The following KLHDC4 variants were observed in gnomAD, a reference collection of about 807,000 sequenced individuals.
KLHDC4 encodes kelch domain-containing protein 4.
A neutral mutation model predicts 62.4 loss-of-function variants in KLHDC4; 90 were observed. That is an observed-to-expected ratio of 1.44 (90% CI 1.22 to 1.72). KLHDC4 has a LOEUF of 1.72. KLHDC4 is among the 40% of genes most tolerant of loss of function. KLHDC4 has a pLI of 0.00. For missense variants in KLHDC4, 1,025 were observed against 699.7 expected, an observed-to-expected ratio of 1.47 and a Z score of -5.25; for synonymous variants, 386 against 284.4, an observed-to-expected ratio of 1.36 and a Z score of -3.59.
chr16:87,753,082 A>T (rs2044280128), intron 4 of KLHDC4, among the ~76,000 whole-genome samples: 1 of 152,214 alleles, frequency 6.6e-6, no homozygotes, highest in African/African-American at 2.4e-5. Flanking sequence ...GGTCTTGCAT[A>T]GCTGAGGAGA....
chr16:87,742,572 T>C (rs1433379400), intron 5 of KLHDC4, among the ~76,000 whole-genome samples: 1 of 152,116 alleles, frequency 6.6e-6, no homozygotes, highest in Non-Finnish European at 1.5e-5. Context: ...TCCACAGCTG[T>C]CAGGATAGGG....
In KLHDC4 at chr16:87,709,462, T is replaced by C. The variant is rs750871112; in HGVS notation, c.1250A>G (p.Asp417Gly). 8 of 1,611,886 alleles carry C rather than the reference T, an allele frequency of 5.0e-6. No homozygotes were observed. Among genetic ancestry groups the C allele is most frequent in the Non-Finnish European group, 6.8e-6 (8 of 1,179,874 alleles). ...GGGGCTGCCGGCCTCCTCAAGGCTG[T>C]CTTCGTCCTCAGACCGGGGCTGCCC... The part of the protein sequence containing the change: ...SAGQPRSEDE[D>G]SLEEAGSPAP... The change falls in exon 10 of 12, where the codon GAC becomes GGC. Residue 417 changes from aspartate (D) to glycine (G), a missense_variant. Physicochemically the swap from Asp to Gly is moderately conservative, Grantham distance 94 (BLOSUM62 -1). Coordinates refer to ENST00000270583, the MANE Select transcript of KLHDC4 (RefSeq NM_017566.4).
chr16:87,741,473 T>C (rs1473161820), intron 5 of KLHDC4, among the ~76,000 whole-genome samples: 2 of 152,180 alleles, frequency 1.3e-5, no homozygotes, highest in African/African-American at 2.4e-5. Context: ...TAGATCCAGG[T>C]TGCGGAATCT....
At chr16:87,730,419 G>A (rs149706136) in intron 6 of KLHDC4, 133 bp downstream of exon 6, 1 of 712,344 alleles carries the variant, frequency 1.4e-6, no homozygotes, top group Non-Finnish European at 2.3e-6. Context: ...GCCCTGTGTG[G>A]CTGCCCAAAG....
At chr16:87,713,844 A>G (rs149134630) in intron 8 of KLHDC4, among the ~76,000 whole-genome samples, 1 of 152,208 alleles carries the variant, frequency 6.6e-6, no homozygotes, top group Non-Finnish European at 1.5e-5. Flanking sequence ...GTGCTTTAGT[A>G]AGAAAATTTT....
intron 2 of KLHDC4, chr16:87,757,310 A>C (rs1379287328): frequency 2.0e-5 from 3 of 151,894 alleles, no homozygotes; most frequent in Non-Finnish European, 4.4e-5. Flanking sequence ...TCAACTAAAA[A>C]TAGAAAAATT....
intron 4 of KLHDC4, among the ~76,000 whole-genome samples, chr16:87,751,381 G>A (rs549172698): frequency 2.0e-5 from 3 of 152,230 alleles, no homozygotes; most frequent in East Asian, 3.9e-4. Context: ...GGCTGAGGCA[G>A]GAGAATCGCT....
intron 4 of KLHDC4, 88 bp from the exon 5 acceptor site, chr16:87,748,897 T>G (rs540442900): frequency 6.8e-7 from 1 of 1,473,222 alleles, no homozygotes; most frequent in South Asian, 1.2e-5. Flanking sequence ...AGCGCTTCAG[T>G]ACTATCTCGG....
chr16:87,701,885 G>A (rs2034160529), exon 1 of KLHDC4: 1 of 456,522 alleles, frequency 2.2e-6, no homozygotes, highest in Admixed American at 2.3e-5. Context: ...AGCCCAGGGA[G>A]TGGAGGATGG....
rs192387879 is a variant in KLHDC4, at chr16:87,728,299, T to C, written c.600-1375A>G. On this transcript the variant is annotated intron_variant, in intron 6 of 11. Transcript: ENST00000270583. The stretch of plus-strand genomic sequence containing the variant: ...ATAGAATCTGAGGAATGTGGAAATG[T>C]GGAAGCGTGTAATCTTTAAAAGACT... Among the ~76,000 whole-genome samples the C allele has an allele frequency of 1.6e-4, 24 of 152,358 alleles. No individual in the cohort carries two copies. In the East Asian group the frequency reaches 4.6e-3, roughly 29 times the overall value.
Position 87,742,093 on chromosome 16 carries a change from TA to T in KLHDC4, c.506+6579del, listed in dbSNP as rs1054697949. 4.1e-3 allele frequency among the ~76,000 whole-genome samples: 599 copies of T among 147,520 alleles called. 2 individuals are homozygous for T. The highest frequency in any genetic ancestry group is 0.014 in the African/African-American group (548 of 40,446). On this transcript the variant is annotated intron_variant, in intron 5 of 11. Transcript: ENST00000270583. Reference sequence around the variant, plus strand: ...CCTGACCTTTCCTTTTAGATCAATTTAAAAAAAAAAATGACAGAGGAAAAAC... The same window carrying T: ...CCTGACCTTTCCTTTTAGATCAATTTAAAAAAAAAATGACAGAGGAAAAAC...
intron 2 of KLHDC4, among the ~76,000 whole-genome samples, chr16:87,756,721 CAAAAAAAA>C (rs35385743): frequency 1.3e-4 from 13 of 98,812 alleles, no homozygotes; most frequent in South Asian, 1.2e-3. Flanking sequence ...GTTGTATTAA[CAAAAAAAA>C]AAAAAAAAAA....
intron 4 of KLHDC4, among the ~76,000 whole-genome samples, chr16:87,752,210 T>C (rs111847509): frequency 0.21 from 31,299 of 148,542 alleles, 3,512 homozygotes; most frequent in South Asian, 0.3. Context: ...AGTTCAACAC[T>C]TGCCTGGGCA....
intron 4 of KLHDC4, 81 bp from the exon 5 acceptor site, chr16:87,748,890 G>C: frequency 6.6e-7 from 1 of 1,515,538 alleles, no homozygotes; most frequent in Non-Finnish European, 8.9e-7. Flanking sequence ...AGTGGTGAGC[G>C]CTTCAGTACT....
At chr16:87,704,571 G>A (rs180891179), downstream of KLHDC4, among the ~76,000 whole-genome samples, 1 of 148,722 alleles carries the variant, frequency 6.7e-6, no homozygotes, top group African/African-American at 2.5e-5. Context: ...GAGGCGCCTG[G>A]GGAGGGTCCT....
At chr16:87,756,671 C>T (rs912271855) in intron 2 of KLHDC4, among the ~76,000 whole-genome samples, 194 bp from the exon 3 acceptor site, 7 of 148,112 alleles carry the variant, frequency 4.7e-5, no homozygotes, top group African/African-American at 1.8e-4. Context: ...CAGGGCCACA[C>T]TCCAAGGACA....
At chr16:87,751,940 T>G (rs1052257631) in intron 4 of KLHDC4, among the ~76,000 whole-genome samples, 3 of 150,750 alleles carry the variant, frequency 2.0e-5, no homozygotes, top group Non-Finnish European at 4.4e-5. Flanking sequence ...CCAGGCACGG[T>G]GGCAGGTGCC....
At chr16:87,735,435 T>C (rs35381489) in intron 5 of KLHDC4, among the ~76,000 whole-genome samples, 32,727 of 152,076 alleles carry the variant, frequency 0.22, 3,983 homozygotes, top group African/African-American at 0.34. Flanking sequence ...TGGGGCCTGC[T>C]GCAGCCCCAT....
downstream of KLHDC4, among the ~76,000 whole-genome samples, chr16:87,704,867 C>CCA (rs1240067982): frequency 2.0e-5 from 3 of 151,970 alleles, no homozygotes; most frequent in African/African-American, 7.2e-5. Flanking sequence ...ACGAAAAAAG[C>CCA]CACCGCTCAT....
Sources: allele counts gnomAD v4.1 joint callset (sites outside exome capture counted in the v4.1 genomes callset), GRCh38; gene constraint gnomAD v4.1.1; transcripts MANE v1.5; gene names NCBI Gene and HGNC (gene_info 2026-07-23, HGNC 2026-07-21).